AFF1: variants seen among roughly 807,000 people sequenced by gnomAD.
AFF1 encodes ALF transcription elongation factor 1.
AFF1 carries 48 observed loss-of-function variants against 121.7 expected under a neutral mutation model. The ratio of observed to expected loss-of-function variants is 0.39; its 90% CI spans 0.31 to 0.50. AFF1 has a LOEUF of 0.50. Ranked by LOEUF, AFF1 falls within the 20% of genes least tolerant of loss-of-function variation. The pLI, the probability that AFF1 is intolerant of heterozygous loss-of-function variation, is 0.76. For missense variants in AFF1, 1,523 were observed against 1,511.7 expected (o/e 1.01, Z -0.12); for synonymous variants, 613 against 563.0 (o/e 1.09, Z -1.26).
intron 2 of AFF1, among the ~76,000 whole-genome samples, chr4:87,022,580 ATATCTATCTATATCTATCTGTGTG>A (rs1223524802): frequency 2.2e-5 from 2 of 89,356 alleles, no homozygotes; most frequent in South Asian, 3.2e-4. Flanking sequence ...ATATATATAT[ATATCTATCTATATCTATCTGTGTG>A]TATATATATC....
intron 12 of AFF1, among the ~76,000 whole-genome samples, chr4:87,122,369 A>G (rs943258094): frequency 1.3e-5 from 2 of 152,152 alleles, no homozygotes; most frequent in East Asian, 1.9e-4. Flanking sequence ...TCTCTCCACC[A>G]TTATTCACTG....
chr4:87,051,883 G>A (rs1303771511), intron 4 of AFF1, among the ~76,000 whole-genome samples: 1 of 152,132 alleles, frequency 6.6e-6, no homozygotes, highest in Non-Finnish European at 1.5e-5. Flanking sequence ...ATTCTAATGG[G>A]GGGCATTGAT....
chr4:87,104,999 G>C (rs1024747148), intron 8 of AFF1, among the ~76,000 whole-genome samples: 13 of 152,176 alleles, frequency 8.5e-5, no homozygotes, highest in African/African-American at 2.9e-4. Context: ...CAAAAATAAA[G>C]CTCACTATTA....
chr4:87,047,201 T>C lies in AFF1; in HGVS notation c.666T>C (p.His222=), dbSNP rs754171442. 3 of 1,614,070 alleles carry C rather than the reference T, an allele frequency of 1.9e-6. No individual in the cohort carries two copies. Among genetic ancestry groups the C allele is most frequent in the South Asian group, 1.1e-5 (1 of 91,074 alleles). The change falls in exon 4 of 21, where the codon CAT becomes CAC. Residue 222 remains histidine, a synonymous_variant. Transcript: ENST00000395146. ...PSPVPPLSPI[H]SNQQTLPRTQ... ...CAGTTCCCCCTTTGTCACCTATACA[T>C]TCCAACCAGCAAACTCTTCCCCGGA...
At position 87,138,815 on chromosome 4, in the gene AFF1, T is replaced by C; in HGVS notation, c.*3114T>C. On this transcript the variant is annotated 3_prime_UTR_variant, in exon 21 of 21. Transcript: ENST00000395146. ...TACTGAATGGGAAAAGTATCTAATATTTTGTAACAAAAAGACCTTCATATT... is the reference window on the plus strand; with the variant it reads ...TACTGAATGGGAAAAGTATCTAATACTTTGTAACAAAAAGACCTTCATATT... 4.4e-6 allele frequency: 1 copy of C among 229,074 alleles called. No homozygotes were observed. The highest frequency in any genetic ancestry group is 8.7e-6 in the Non-Finnish European group (1 of 115,538). 14.2% of individuals were successfully genotyped at this position (229,074 alleles called of 1,614,324 possible). A position where few individuals can be genotyped will look rare whatever the true frequency, so the allele number is the denominator to read the frequency against.
chr4:87,039,124 C>A (rs1248990891), intron 2 of AFF1, among the ~76,000 whole-genome samples: 2 of 152,232 alleles, frequency 1.3e-5, no homozygotes, highest in East Asian at 1.9e-4. Flanking sequence ...CACTGCCCCA[C>A]GTCTCATGCC....
intron 2 of AFF1, among the ~76,000 whole-genome samples, chr4:86,975,408 A>G (rs956972155): frequency 1.3e-5 from 2 of 152,052 alleles, no homozygotes; most frequent in Non-Finnish European, 2.9e-5. Context: ...ACACCACCAC[A>G]CATAGCTAAT....
chr4:87,126,295 A>C lies in AFF1; in HGVS notation c.2770A>C (p.Arg924=). 2.5e-6 allele frequency: 4 copies of C among 1,614,110 alleles called. No individual in the cohort carries two copies. Among genetic ancestry groups the C allele is most frequent in the Non-Finnish European group, 3.4e-6 (4 of 1,180,018 alleles). The change falls in exon 14 of 21, where the codon AGA becomes CGA. Residue 924 remains arginine, a synonymous_variant. Coordinates refer to ENST00000395146, the MANE Select transcript of AFF1 (RefSeq NM_001166693.3). ...HKDSSIPKQR[R]VEGKGSRSSS... ...AGACTCTTCCATTCCCAAGCAGAGA[A>C]GAGTAGAGGGGAAGGGCTCCAGAAG...
intron 12 of AFF1, among the ~76,000 whole-genome samples, chr4:87,123,613 C>T (rs558811793): frequency 6.6e-6 from 1 of 152,262 alleles, no homozygotes; most frequent in East Asian, 1.9e-4. Context: ...CCAAAGGAGC[C>T]TGTGAAGGGC....
In AFF1 at chr4:87,105,791, T is replaced by A. The variant is rs1334579768; in HGVS notation, c.1339-17T>A. The A allele has an allele frequency of 1.9e-6, 3 of 1,614,040 alleles. No homozygotes were observed. Among genetic ancestry groups the A allele is most frequent in the African/African-American group, 2.7e-5 (2 of 74,924 alleles). ...GTTCTTTTCCTGGTCTTTCTTCCCC[T>A]TATTGTGAATGCCTAGACCCCAGAG... On this transcript the variant is annotated splice_polypyrimidine_tract_variant and intron_variant, in intron 9 of 20. Transcript: ENST00000395146.
intron 2 of AFF1, among the ~76,000 whole-genome samples, chr4:86,962,042 T>A (rs1478622788): frequency 1.3e-5 from 2 of 152,172 alleles, no homozygotes; most frequent in Non-Finnish European, 2.9e-5. Flanking sequence ...ATATGTTTTT[T>A]AAAATGTGTT....
intron 2 of AFF1, chr4:86,949,960 G>A: frequency 6.2e-7 from 1 of 1,614,204 alleles, no homozygotes; most frequent in Admixed American, 1.7e-5. Flanking sequence ...GGGCCATGTG[G>A]ATGGAGAAGT....
chr4:86,947,816 TTTG>T (rs904237897), intron 1 of AFF1, among the ~76,000 whole-genome samples: 5 of 56,350 alleles, frequency 8.9e-5, no homozygotes, highest in Middle Eastern at 0.012. Context: ...TCGGTTTTTG[TTTG>T]TTTTTTTTTT....
At chr4:87,007,416 C>G in intron 2 of AFF1, 1 of 1,614,074 alleles carries the variant, frequency 6.2e-7, no homozygotes, top group Non-Finnish European at 8.5e-7. Flanking sequence ...TTATGGCAGC[C>G]CAGTCAAGGT....
chr4:87,022,594 C>CTA (rs1333566135), intron 2 of AFF1, among the ~76,000 whole-genome samples: 1 of 100,118 alleles, frequency 1.0e-5, no homozygotes, highest in Admixed American at 1.1e-4. Flanking sequence ...CTATCTATAT[C>CTA]TATCTGTGTG....
In AFF1 at chr4:87,047,574, A is replaced by G. The variant is rs768106629; in HGVS notation, c.1039A>G (p.Met347Val). ...CAAAGCCAAGCTCACCAAACTGAAG[A>G]TGCCTTCTCAGTCAGTTGAGGTGTG... ...PAKAKLTKLKMPSQSVEQTYS... is the reference protein window; with the variant it reads ...PAKAKLTKLKVPSQSVEQTYS... Residue 347 changes from methionine to valine, a missense_variant, in exon 4 of 21, where the codon ATG becomes GTG. Physicochemically the swap from Met to Val is conservative, Grantham distance 21 (BLOSUM62 1). This residue lies in a region of AFF1 where 905 missense variants were observed against 842.5 expected (regional missense o/e 1.07). Transcript: ENST00000395146. The G allele has an allele frequency of 6.2e-7, 1 of 1,614,034 alleles. No individual in the cohort carries two copies. The highest frequency in any genetic ancestry group is 8.5e-7 in the Non-Finnish European group (1 of 1,180,038).
intron 2 of AFF1, among the ~76,000 whole-genome samples, chr4:86,998,351 A>C (rs1444708542): frequency 1.3e-5 from 2 of 152,164 alleles, no homozygotes; most frequent in Admixed American, 1.3e-4. Flanking sequence ...GGATTAGATG[A>C]CCCTTACCTC....
Position 87,126,301 on chromosome 4 carries a change from G to A in AFF1, c.2776G>A (p.Glu926Lys). The change falls in exon 14 of 21, where the codon GAG becomes AAG. Residue 926 changes from glutamate (E) to lysine (K), a missense_variant. This residue lies in a region of AFF1 where 905 missense variants were observed against 842.5 expected (regional missense o/e 1.07). Coordinates refer to ENST00000395146, the MANE Select transcript of AFF1 (RefSeq NM_001166693.3). ...DSSIPKQRRV[E>K]GKGSRSSSEH... ...TTCCATTCCCAAGCAGAGAAGAGTA[G>A]AGGGGAAGGGCTCCAGAAGCTCCTC... is the stretch of plus-strand genomic sequence containing the variant. 6.2e-7 allele frequency: 1 copy of A among 1,614,172 alleles called. No homozygotes were observed. The highest frequency in any genetic ancestry group is 8.5e-7 in the Non-Finnish European group (1 of 1,180,038).
intron 2 of AFF1, among the ~76,000 whole-genome samples, chr4:87,031,450 T>C (rs1298036596): frequency 6.6e-6 from 1 of 152,056 alleles, no homozygotes; most frequent in Non-Finnish European, 1.5e-5. Flanking sequence ...TTTTTTTTTT[T>C]TTCTTTTGTT....
Sources: allele counts gnomAD v4.1 joint callset (sites outside exome capture counted in the v4.1 genomes callset), GRCh38; gene constraint gnomAD v4.1.1; regional missense constraint gnomAD v4.1.1; transcripts MANE v1.5; gene names NCBI Gene and HGNC (gene_info 2026-07-23, HGNC 2026-07-21).